HGD: variants seen among roughly 807,000 people sequenced by gnomAD.
HGD encodes the protein homogentisate oxidase.
HGD carries 61 observed loss-of-function variants against 60.8 expected under a neutral mutation model. The ratio of observed to expected loss-of-function variants is 1.00; its 90% CI spans 0.82 to 1.24. The LOEUF (loss-of-function observed/expected upper bound fraction) is 1.24, where lower values mean the gene tolerates loss of function less well. HGD is among the 50% of genes most tolerant of loss of function. The pLI is 0.00. For synonymous variants in HGD, 212 were observed against 187.7 expected (o/e 1.13, Z -1.06); for missense variants, 542 against 547.1 (o/e 0.99, Z 0.09).
chr3:120,660,488 A>G (rs1168542553), intron 4 of HGD, among the ~76,000 whole-genome samples: 1 of 152,202 alleles, frequency 6.6e-6, no homozygotes, highest in Non-Finnish European at 1.5e-5. Flanking sequence ...GATAGGCAAG[A>G]ATATAGATAA....
At position 120,651,171 on chromosome 3, in the gene HGD, A is replaced by C. The variant is rs1941330760; in HGVS notation, c.343-306T>G. Among the ~76,000 whole-genome samples, 5 of 152,294 alleles carry C rather than the reference A, an allele frequency of 3.3e-5. No homozygotes were observed. In the South Asian group the frequency reaches 1.0e-3, roughly 32 times the overall value. On this transcript the variant is annotated intron_variant, in intron 5 of 13. Transcript: ENST00000283871. Reference sequence around the variant, plus strand: ...TTTATCAATTTGATGCTTGACATCAACTGGAAGAAGAGATTCTGTTGGAGG... The same window carrying C: ...TTTATCAATTTGATGCTTGACATCACCTGGAAGAAGAGATTCTGTTGGAGG...
Position 120,647,041 on chromosome 3 carries a change from C to T in HGD, c.481G>A (p.Gly161Arg), listed in dbSNP as rs28941783. ...AACTCGGTGTAAATGAGAAGGTTCC[C>T]TTTCTGCGGAACTGACAAAAAAAGA... ...DGDFLIVPQK[G>R]NLLIYTEFGK... The change falls in exon 8 of 14, where the codon GGG becomes AGG. Residue 161 changes from glycine (G) to arginine (R), a missense_variant. By Grantham distance (125) the Gly-to-Arg change is moderately radical. Coordinates refer to ENST00000283871, the MANE Select transcript of HGD (RefSeq NM_000187.4). 148 of 1,613,870 alleles carry T rather than the reference C, an allele frequency of 9.2e-5. No individual in the cohort carries two copies. Among genetic ancestry groups the T allele is most frequent in the Non-Finnish European group, 1.2e-4 (140 of 1,179,890 alleles).
intron 4 of HGD, among the ~76,000 whole-genome samples, chr3:120,669,508 T>C (rs1280789493): frequency 6.6e-6 from 1 of 151,452 alleles, no homozygotes; most frequent in Non-Finnish European, 1.5e-5. Context: ...ATCAAGTTTG[T>C]CCTAAAGTTG....
chr3:120,665,380 TAAG>T (rs549458758), intron 4 of HGD, among the ~76,000 whole-genome samples: 66 of 152,220 alleles, frequency 4.3e-4, no homozygotes, highest in African/African-American at 1.4e-3. Context: ...AATGAAATAA[TAAG>T]AAAAATAAAT....
chr3:120,676,902 A>G (rs1708141911), intron 1 of HGD, among the ~76,000 whole-genome samples: 3 of 152,204 alleles, frequency 2.0e-5, no homozygotes, highest in Admixed American at 2.0e-4. Flanking sequence ...GATCAGCTGA[A>G]GCCATGGCAG....
At chr3:120,657,144 A>G in intron 4 of HGD, among the ~76,000 whole-genome samples, 1 of 152,336 alleles carries the variant, frequency 6.6e-6, no homozygotes. Context: ...ATTGCTTCAC[A>G]TATTTTACAA....
intron 3 of HGD, among the ~76,000 whole-genome samples, chr3:120,671,523 C>G (rs980719040): frequency 5.3e-5 from 8 of 152,076 alleles, no homozygotes; most frequent in African/African-American, 1.9e-4. Flanking sequence ...GATAAGAATG[C>G]TTTTACACTG....
At chr3:120,657,855 AAG>A (rs1191019099) in intron 4 of HGD, among the ~76,000 whole-genome samples, 1 of 151,154 alleles carries the variant, frequency 6.6e-6, no homozygotes. Flanking sequence ...GAGAGAAAGA[AAG>A]AGAGAGAGAG....
At chr3:120,666,674 G>T (rs571322048) in intron 4 of HGD, among the ~76,000 whole-genome samples, 4 of 152,004 alleles carry the variant, frequency 2.6e-5, no homozygotes, top group Non-Finnish European at 5.9e-5. Flanking sequence ...TAGAGATGGT[G>T]TTTCTCCATG....
intron 12 of HGD, among the ~76,000 whole-genome samples, chr3:120,635,086 A>G (rs1940717080): frequency 1.3e-5 from 2 of 152,232 alleles, no homozygotes; most frequent in African/African-American, 4.8e-5. Flanking sequence ...TTTGATCTGA[A>G]TATGAATTTA....
intron 3 of HGD, 77 bp downstream of exon 3, chr3:120,674,824 C>T (rs1198383624): frequency 1.0e-6 from 1 of 969,432 alleles, no homozygotes; most frequent in Non-Finnish European, 1.7e-6. Flanking sequence ...AGGCTGTGGC[C>T]CAGGGGAAGG....
At chr3:120,654,785 T>C (rs1020107346) in intron 4 of HGD, among the ~76,000 whole-genome samples, 1 of 152,098 alleles carries the variant, frequency 6.6e-6, no homozygotes, top group Non-Finnish European at 1.5e-5. Flanking sequence ...AAAATACCTG[T>C]GGTAAGGCCA....
At chr3:120,650,092 G>T (rs887558979) in intron 6 of HGD, among the ~76,000 whole-genome samples, 4 of 152,226 alleles carry the variant, frequency 2.6e-5, no homozygotes, top group Non-Finnish European at 5.9e-5. Context: ...TAGTACTCCA[G>T]CTGGTTACAT....
intron 7 of HGD, among the ~76,000 whole-genome samples, chr3:120,647,574 C>T (rs748148631): frequency 8.2e-4 from 124 of 152,064 alleles, no homozygotes; most frequent in Non-Finnish European, 1.1e-3. Context: ...ATACAGTTAC[C>T]GTAATAAGTT....
chr3:120,663,078 T>G (rs769161393), intron 4 of HGD, among the ~76,000 whole-genome samples: 1 of 152,108 alleles, frequency 6.6e-6, no homozygotes, highest in East Asian at 1.9e-4. Context: ...AATCCAGAAC[T>G]GTTAGAAAGT....
intron 7 of HGD, among the ~76,000 whole-genome samples, chr3:120,647,446 T>C (rs1392382118): frequency 6.6e-6 from 1 of 152,220 alleles, no homozygotes; most frequent in Non-Finnish European, 1.5e-5. Context: ...TCAAGTATAA[T>C]AGGCAGACCA....
chr3:120,662,513 C>T (rs1233031029), intron 4 of HGD, among the ~76,000 whole-genome samples: 3 of 152,110 alleles, frequency 2.0e-5, no homozygotes, highest in Admixed American at 6.6e-5. Flanking sequence ...GAACTGGGAT[C>T]TCTGGGGAGC....
At chr3:120,638,733 A>G (rs1280621412) in intron 11 of HGD, 152 bp from the exon 12 acceptor site, 1 of 891,568 alleles carries the variant, frequency 1.1e-6, no homozygotes, top group East Asian at 2.7e-5. Context: ...AGAGGGATAC[A>G]TATGCAGTTT....
chr3:120,668,903 C>A (rs1029280283), intron 4 of HGD, among the ~76,000 whole-genome samples: 2 of 152,194 alleles, frequency 1.3e-5, no homozygotes, highest in Non-Finnish European at 2.9e-5. Context: ...AAAGGCAATA[C>A]ACTGGGGTTC....
Sources: gnomAD v4.1 joint callset for allele counts (sites outside exome capture counted in the v4.1 genomes callset) on GRCh38, gnomAD v4.1.1 for gene constraint, MANE v1.5 for transcripts, NCBI Gene and HGNC (gene_info 2026-07-23, HGNC 2026-07-21) for gene names.